Variants in DSEL observed in about 807,000 individuals in gnomAD.
DSEL encodes dermatan sulfate epimerase like.
In DSEL, 61 loss-of-function variants were observed where a neutral mutation model predicts 96.6. The observed-to-expected ratio is 0.63, with a 90% confidence interval of 0.51 to 0.78. DSEL has a LOEUF of 0.78. Ranked by LOEUF, DSEL falls within the 30% of genes least tolerant of loss-of-function variation. The pLI, the probability that DSEL is intolerant of heterozygous loss-of-function variation, is 0.00. For synonymous variants in DSEL, 514 were observed against 502.0 expected (o/e 1.02, Z -0.32); for missense variants, 1,320 against 1,430.8 (o/e 0.92, Z 1.25).
Position 67,511,016 on chromosome 18 carries a change from C to T in DSEL, c.3593G>A (p.Cys1198Tyr), listed in dbSNP as rs2089438672. Residue 1198 changes from cysteine (C) to tyrosine (Y), a missense_variant, in exon 2 of 2, where the codon TGC becomes TAC. Physicochemically the swap from Cys to Tyr is radical, Grantham distance 194. Transcript: ENST00000310045. ...RDEIKLIENI[C>Y]WTLMDRLGYP... Reference sequence around the variant, plus strand: ...TCCTAGGCGATCCATCAGAGTCCAGCAGATGTTTTCAATTAGTTTAATTTC... The same window carrying T: ...TCCTAGGCGATCCATCAGAGTCCAGTAGATGTTTTCAATTAGTTTAATTTC... The T allele has an allele frequency of 1.2e-6, 2 of 1,610,488 alleles. No individual in the cohort carries two copies. Among genetic ancestry groups the T allele is most frequent in the Non-Finnish European group, 1.7e-6 (2 of 1,178,746 alleles).
rs555180375 is a variant in DSEL, at chr18:67,514,907, C to A, written c.-299G>T. ...ACAGGGAAGTGATACAGGTAAAAAA[C>A]ACTATGAATTTAGCATTTACCTCCT... is the stretch of plus-strand genomic sequence containing the variant. On this transcript the variant is annotated 5_prime_UTR_variant, in exon 2 of 2. Coordinates refer to ENST00000310045, the MANE Select transcript of DSEL (RefSeq NM_032160.3). 2.5e-6 allele frequency: 1 copy of A among 402,824 alleles called. No individual in the cohort carries two copies. The highest frequency in any genetic ancestry group is 4.6e-6 in the Non-Finnish European group (1 of 218,932). The allele number at this position is 402,824 out of a possible 1,614,324, so 25.0% of individuals were successfully genotyped here. A position where few individuals can be genotyped will look rare whatever the true frequency, so the allele number is the denominator to read the frequency against.
At position 67,513,349 on chromosome 18, in the gene DSEL, A is replaced by T; in HGVS notation, c.1260T>A (p.Tyr420Ter). Residue 420 changes from tyrosine (Y) to a stop codon, truncating the protein, a stop_gained, in exon 2 of 2, where the codon TAT becomes TAA. Coordinates refer to ENST00000310045, the MANE Select transcript of DSEL (RefSeq NM_032160.3). LOFTEE classifies it high-confidence loss of function. ...TCTGTGTGTTTGGCAACCCAGCCCCATAAGTAACCACACCCCAGTTAGGGA... is the reference window on the plus strand; with the variant it reads ...TCTGTGTGTTTGGCAACCCAGCCCCTTAAGTAACCACACCCCAGTTAGGGA... Reference protein sequence around the residue: ...HTFPNWGVVTYGAGLPNTQTN... With the variant: ...HTFPNWGVVT The T allele has an allele frequency of 6.2e-7, 1 of 1,614,206 alleles. No homozygotes were observed. Among genetic ancestry groups the T allele is most frequent in the Non-Finnish European group, 8.5e-7 (1 of 1,180,034 alleles).
Position 67,512,040 on chromosome 18 carries a change from T to A in DSEL, c.2569A>T (p.Ile857Phe). The change falls in exon 2 of 2, where the codon ATT becomes TTT. Residue 857 changes from isoleucine (I) to phenylalanine (F), a missense_variant. By Grantham distance (21) the Ile-to-Phe change is conservative. This residue lies in a region of DSEL where 986 missense variants were observed against 1,066.4 expected (regional missense o/e 0.92). Transcript: ENST00000310045. The part of the protein sequence containing the change: ...GHHMDLPDVV[I>F]TSLPGSGAEI... ...GCTCCTGAACCAGGAAGTGAGGTAA[T>A]GACAACATCAGGAAGATCCATGTGG... 1 of 1,614,084 alleles carries A rather than the reference T, an allele frequency of 6.2e-7. No homozygotes were observed. Among genetic ancestry groups the A allele is most frequent in the East Asian group, 2.2e-5 (1 of 44,876 alleles).
rs992097951 is a variant in DSEL, at chr18:67,515,196, TGAGA to T, written c.-592_-589del. ...TGTGAATACGTTTTTCTTTCATTTA[TGAGA>T]GAGAAACATCCTCAACAAGTGATCA... is the stretch of plus-strand genomic sequence containing the variant. On this transcript the variant is annotated 5_prime_UTR_variant, in exon 2 of 2. An upstream open reading frame in the 5' UTR loses its in-frame stop. Coordinates refer to ENST00000310045, the MANE Select transcript of DSEL (RefSeq NM_032160.3). 6.0e-6 allele frequency: 1 copy of T among 167,102 alleles called. No homozygotes were observed. The highest frequency in any genetic ancestry group is 1.5e-5 in the Non-Finnish European group (1 of 68,200). The allele number at this position is 167,102 out of a possible 1,614,324, so 10.4% of individuals were successfully genotyped here. A position where few individuals can be genotyped will look rare whatever the true frequency, so the allele number is the denominator to read the frequency against.
rs770492392 is a variant in DSEL at position 67,513,619 on chromosome 18, T to A, written c.990A>T (p.Ala330=). ...LPGFQRTVGI[A]DSNYNWFYGP... is the part of the protein sequence containing the mutation. ...CATAAAACCAATTATAATTGGAATCTGCTATACCCACAGTTCTTTGGAAGC... is the reference window on the plus strand; with the variant it reads ...CATAAAACCAATTATAATTGGAATCAGCTATACCCACAGTTCTTTGGAAGC... Residue 330 remains alanine (A), a synonymous_variant, in exon 2 of 2, where the codon GCA becomes GCT. Transcript: ENST00000310045. 6.2e-7 allele frequency: 1 copy of A among 1,614,208 alleles called. No individual in the cohort carries two copies. Among genetic ancestry groups the A allele is most frequent in the East Asian group, 2.2e-5 (1 of 44,884 alleles).
chr18:67,513,919 TATC>T lies in DSEL; in HGVS notation c.687_689del (p.Met229del). 1 of 1,614,208 alleles carries T rather than the reference TATC, an allele frequency of 6.2e-7. No homozygotes were observed. Among genetic ancestry groups the T allele is most frequent in the Non-Finnish European group, 8.5e-7 (1 of 1,180,016 alleles). ...TCACCAAGGCCCCTGTGAGTAATGC[TATC>T]ATATTAGTGGCTTGGTGGTTATGGA... On this transcript the variant is annotated inframe_deletion, in exon 2 of 2. Coordinates refer to ENST00000310045, the MANE Select transcript of DSEL (RefSeq NM_032160.3).
In DSEL at chr18:67,513,392, G is replaced by C; in HGVS notation, c.1217C>G (p.Thr406Ser). ...GTTAGGGAATGTGTGTATTTTTGCA[G>C]TACCATAATCAGCAGGTGGCTGTGG... The part of the protein sequence containing the change: ...LTPQPPADYG[T>S]AKIHTFPNWG... The change falls in exon 2 of 2, where the codon ACT (threonine) becomes AGT (serine). Residue 406 changes from threonine (T) to serine (S), a missense_variant. By Grantham distance (58) the Thr-to-Ser change is moderately conservative (BLOSUM62 1). This residue lies in a region of DSEL where 986 missense variants were observed against 1,066.4 expected (regional missense o/e 0.92). Coordinates refer to ENST00000310045, the MANE Select transcript of DSEL (RefSeq NM_032160.3). 1 of 1,614,204 alleles carries C rather than the reference G, an allele frequency of 6.2e-7. No homozygotes were observed.
Position 67,509,761 on chromosome 18 carries a change from T to A in DSEL, c.*1209A>T, listed in dbSNP as rs921828183. ...TTTTCATCCAATACATTGTAATTAC[T>A]CCACTGGCTTATAATGGCGTAGCAT... On this transcript the variant is annotated 3_prime_UTR_variant, in exon 2 of 2. Coordinates refer to ENST00000310045, the MANE Select transcript of DSEL (RefSeq NM_032160.3). 2 of 152,640 alleles carry A rather than the reference T, an allele frequency of 1.3e-5. No homozygotes were observed. The highest frequency in any genetic ancestry group is 2.9e-5 in the Non-Finnish European group (2 of 68,044). The allele number at this position is 152,640 out of a possible 1,614,324, so 9.5% of individuals were successfully genotyped here.
chr18:67,512,173 C>G lies in DSEL; in HGVS notation c.2436G>C (p.Trp812Cys). The G allele has an allele frequency of 6.2e-7, 1 of 1,614,156 alleles. No individual in the cohort carries two copies. The highest frequency in any genetic ancestry group is 1.1e-5 in the South Asian group (1 of 91,080). ...TCCACACATCCAAAAGCTCAATAAACCACAAGGCAATAACAAGTATTAATA... is the reference window on the plus strand; with the variant it reads ...TCCACACATCCAAAAGCTCAATAAAGCACAAGGCAATAACAAGTATTAATA... ...RWILILVIALWFIELLDVWST... is the reference protein window; with the variant it reads ...RWILILVIALCFIELLDVWST... The change falls in exon 2 of 2, where the codon TGG becomes TGC. Residue 812 changes from tryptophan to cysteine, a missense_variant. By Grantham distance (215) the Trp-to-Cys change is radical (BLOSUM62 -2). Transcript: ENST00000310045.
At position 67,510,909 on chromosome 18, in the gene DSEL, T is replaced by G; in HGVS notation, c.*61A>C. 2.2e-6 allele frequency: 3 copies of G among 1,379,296 alleles called. No homozygotes were observed. In the South Asian group the frequency reaches 4.2e-5, roughly 19 times the overall value. The allele number at this position is 1,379,296 out of a possible 1,614,324, so 85.4% of individuals were successfully genotyped here. On this transcript the variant is annotated 3_prime_UTR_variant, in exon 2 of 2. Coordinates refer to ENST00000310045, the MANE Select transcript of DSEL (RefSeq NM_032160.3). ...TAAAGAATAAACAAACTCTTCTGATTCATATCCACAAAGTGGGTTGGTAAG... is the reference window on the plus strand; with the variant it reads ...TAAAGAATAAACAAACTCTTCTGATGCATATCCACAAAGTGGGTTGGTAAG...
chr18:67,512,018 C>T lies in DSEL; in HGVS notation c.2591G>A (p.Gly864Glu), dbSNP rs765985113. The T allele has an allele frequency of 6.2e-7, 1 of 1,614,066 alleles. No homozygotes were observed. The highest frequency in any genetic ancestry group is 8.5e-7 in the Non-Finnish European group (1 of 1,180,014). ...DVVITSLPGS[G>E]AEILKQLFFN... ...AAAAAGTTGTTTGAGAATTTCAGCT[C>T]CTGAACCAGGAAGTGAGGTAATGAC... Residue 864 changes from glycine (G) to glutamate (E), a missense_variant, in exon 2 of 2, where the codon GGA (glycine) becomes GAA (glutamate). By Grantham distance (98) the Gly-to-Glu change is moderately conservative (BLOSUM62 -2). This residue lies in a region of DSEL where 986 missense variants were observed against 1,066.4 expected (regional missense o/e 0.92). Coordinates refer to ENST00000310045, the MANE Select transcript of DSEL (RefSeq NM_032160.3).
rs183274991 is a variant in DSEL, at chr18:67,514,451, T to C, written c.158A>G (p.Asn53Ser). The C allele has an allele frequency of 1.3e-5, 21 of 1,614,164 alleles. No individual in the cohort carries two copies. The Admixed American group carries it at 1.5e-4, about 12-fold the overall frequency. ...KTQKVQDFRPNQKLKKSMLHP... is the reference protein window; with the variant it reads ...KTQKVQDFRPSQKLKKSMLHP... ...AAGCATACTTTTCTTCAGCTTTTGGTTGGGTCTGAAATCTTGCACTTTCTG... is the reference window on the plus strand; with the variant it reads ...AAGCATACTTTTCTTCAGCTTTTGGCTGGGTCTGAAATCTTGCACTTTCTG... Residue 53 changes from asparagine to serine, a missense_variant, in exon 2 of 2, where the codon AAC becomes AGC. Asn to Ser is a conservative substitution (Grantham distance 46). Coordinates refer to ENST00000310045, the MANE Select transcript of DSEL (RefSeq NM_032160.3).
At position 67,514,707 on chromosome 18, in the gene DSEL, T is replaced by G. The variant is rs912530842; in HGVS notation, c.-99A>C. 2 of 1,313,200 alleles carry G rather than the reference T, an allele frequency of 1.5e-6. No homozygotes were observed. The highest frequency in any genetic ancestry group is 2.1e-6 in the Non-Finnish European group (2 of 945,570). The allele number at this position is 1,313,200 out of a possible 1,614,324, so 81.3% of individuals were successfully genotyped here. A position where few individuals can be genotyped will look rare whatever the true frequency, so the allele number is the denominator to read the frequency against. On this transcript the variant is annotated 5_prime_UTR_variant, in exon 2 of 2. Transcript: ENST00000310045. ...ATAAAACATACAGTAAAGGCCTTGA[T>G]AAGACAAAGACTGTAAATCTGATAT...
Position 67,512,775 on chromosome 18 carries a change from T to A in DSEL, c.1834A>T (p.Ile612Phe), listed in dbSNP as rs1481651355. 1.2e-6 allele frequency: 2 copies of A among 1,613,956 alleles called. No individual in the cohort carries two copies. The highest frequency in any genetic ancestry group is 2.7e-5 in the African/African-American group (2 of 75,072). Residue 612 changes from isoleucine (I) to phenylalanine (F), a missense_variant, in exon 2 of 2, where the codon ATC becomes TTC. Ile to Phe is a conservative substitution (Grantham distance 21). This residue lies in a region of DSEL where 986 missense variants were observed against 1,066.4 expected (regional missense o/e 0.92). Transcript: ENST00000310045. ...TACCTATTCATAAACTTATATGGGATATATTTAAAATCAATATCCAAATTA... is the reference window on the plus strand; with the variant it reads ...TACCTATTCATAAACTTATATGGGAAATATTTAAAATCAATATCCAAATTA... ...FHNLDIDFKY[I>F]PYKFMNRYNG... is the part of the protein sequence containing the mutation.
In DSEL at chr18:67,511,914, A is replaced by C; in HGVS notation, c.2695T>G (p.Ser899Ala). 2 of 1,614,194 alleles carry C rather than the reference A, an allele frequency of 1.2e-6. No homozygotes were observed. Among genetic ancestry groups the C allele is most frequent in the Non-Finnish European group, 1.7e-6 (2 of 1,180,026 alleles). ...TTCCATTCACAAGCATCTACAAATG[A>C]GTCGATTTCCAACTCAGTTTCAGGA... ...DIPETELEID[S>A]FVDACEWKVS... Residue 899 changes from serine (S) to alanine (A), a missense_variant, in exon 2 of 2, where the codon TCA becomes GCA. By Grantham distance (99) the Ser-to-Ala change is moderately conservative (BLOSUM62 1). Transcript: ENST00000310045.
In DSEL at chr18:67,506,644, A is replaced by G. The variant is rs1450153070; in HGVS notation, c.*4326T>C. ...GAGTCTTATTACACATAGGTCTGAT[A>G]AAACTGGTTTATGATCTTCAGTCTG... On this transcript the variant is annotated 3_prime_UTR_variant, in exon 2 of 2. Transcript: ENST00000310045. 1 of 152,124 alleles carries G rather than the reference A, an allele frequency of 6.6e-6. No individual in the cohort carries two copies. Among genetic ancestry groups the G allele is most frequent in the African/African-American group, 2.4e-5 (1 of 41,408 alleles). 9.4% of individuals were successfully genotyped at this position (152,124 alleles called of 1,614,324 possible).
chr18:67,513,043 A>G lies in DSEL; in HGVS notation c.1566T>C (p.Cys522=), dbSNP rs375460719. 7.0e-5 allele frequency: 113 copies of G among 1,614,196 alleles called. No individual in the cohort carries two copies. In the East Asian group the frequency reaches 8.9e-4, roughly 13 times the overall value. Residue 522 remains cysteine (C), a synonymous_variant, in exon 2 of 2, where the codon TGT becomes TGC. Transcript: ENST00000310045. ...CGCCAGTCCACTTAAGCCACTGCGCACATTCTCCCAGTTGACCTTCCCAGG... is the reference window on the plus strand; with the variant it reads ...CGCCAGTCCACTTAAGCCACTGCGCGCATTCTCCCAGTTGACCTTCCCAGG... ...NKPWEGQLGE[C]AQWLKWTGEE...
rs1193014616 is a variant in DSEL at position 67,513,083 on chromosome 18, C to T, written c.1526G>A (p.Ser509Asn). The change falls in exon 2 of 2, where the codon AGC (serine) becomes AAC (asparagine). Residue 509 changes from serine (S) to asparagine (N), a missense_variant. By Grantham distance (46) the Ser-to-Asn change is conservative. This residue lies in a region of DSEL where 986 missense variants were observed against 1,066.4 expected (regional missense o/e 0.92). Transcript: ENST00000310045. ...ACCTTCCCAGGGCTTATTACACTGG[C>T]TTGAGGGTGATGGAGCAAACACCAA... ...NVLVFAPSPSSQCNKPWEGQL... is the reference protein window; with the variant it reads ...NVLVFAPSPSNQCNKPWEGQL... The T allele has an allele frequency of 6.2e-7, 1 of 1,614,148 alleles. No homozygotes were observed. Among genetic ancestry groups the T allele is most frequent in the Admixed American group, 1.7e-5 (1 of 60,018 alleles).
Position 67,516,297 on chromosome 18 carries a change from T to A in DSEL, c.-885+64A>T, listed in dbSNP as rs1469549204. ...CGACCCTGCCGCCCCCATTCTCCGC[T>A]CCCCGCTCTGGGGCTGAGTGAGGCA... On this transcript the variant is annotated intron_variant, in intron 1 of 1. Transcript: ENST00000310045. This position sits in a 1 kb window ranked among gnomAD's most constrained non-coding sequence, Gnocchi z 5.6. 1 of 152,498 alleles carries A rather than the reference T, an allele frequency of 6.6e-6. No individual in the cohort carries two copies. The highest frequency in any genetic ancestry group is 1.5e-5 in the Non-Finnish European group (1 of 68,332). 9.4% of individuals were successfully genotyped at this position (152,498 alleles called of 1,614,324 possible). A position where few individuals can be genotyped will look rare whatever the true frequency, so the allele number is the denominator to read the frequency against.
Sources: allele counts gnomAD v4.1 joint callset, GRCh38; gene constraint gnomAD v4.1.1; regional missense constraint gnomAD v4.1.1; non-coding constraint Gnocchi (gnomAD v3.1); transcripts MANE v1.5; gene names NCBI Gene and HGNC (gene_info 2026-07-23, HGNC 2026-07-21).